SOX5: variants seen among roughly 807,000 people sequenced by gnomAD.
SOX5 encodes SRY-box transcription factor 5.
A neutral mutation model predicts 92.0 loss-of-function variants in SOX5; 9 were observed. The observed-to-expected ratio is 0.10, with a 90% CI of 0.06 to 0.17. SOX5 has a LOEUF of 0.17. Among genes scored for constraint, SOX5 ranks in the 10% least tolerant of loss-of-function variants. SOX5 has a pLI of 1.00. For missense variants in SOX5, 642 were observed against 944.5 expected, an observed-to-expected ratio of 0.68 and a Z score of 4.20; for synonymous variants, 344 against 336.3, an observed-to-expected ratio of 1.02 and a Z score of -0.25.
intron 2 of SOX5, among the ~76,000 whole-genome samples, chr12:24,319,440 A>T (rs148504879): frequency 3.9e-4 from 59 of 152,332 alleles, no homozygotes; most frequent in African/African-American, 1.3e-3. Flanking sequence ...GCTGGGAGTC[A>T]TCTTGGATTC....
chr12:24,113,612 AATAAAG>A (rs1947632377), intron 4 of SOX5, among the ~76,000 whole-genome samples: 3 of 152,200 alleles, frequency 2.0e-5, no homozygotes, highest in Admixed American at 6.5e-5. Flanking sequence ...AATAATAAAT[AATAAAG>A]ATAAAAAGTT....
At position 24,246,651 on chromosome 12, in the gene SOX5, A is replaced by C. The variant is rs562501926; in HGVS notation, c.-77+30565T>G. Reference sequence around the variant, plus strand: ...AAGTAGTGTACAGGTGCAAAGTAAAAGAATTTTTAAAAATGTTTCCCACAA... The same window carrying C: ...AAGTAGTGTACAGGTGCAAAGTAAACGAATTTTTAAAAATGTTTCCCACAA... On this transcript the variant is annotated intron_variant, in intron 3 of 4. Coordinates refer to the SOX5 transcript ENST00000446891. Among the ~76,000 whole-genome samples the C allele has an allele frequency of 1.6e-3, 241 of 152,328 alleles. 1 individual carries two copies. Among genetic ancestry groups the C allele is most frequent in the Non-Finnish European group, 1.5e-3 (101 of 68,028 alleles).
chr12:23,593,034 G>A (rs186474778), intron 9 of SOX5, among the ~76,000 whole-genome samples: 18 of 152,090 alleles, frequency 1.2e-4, no homozygotes, highest in African/African-American at 3.4e-4. Context: ...AGCCAAGATC[G>A]CGCCCCTGCA....
At chr12:23,543,099 A>C in intron 13 of SOX5, 112 bp downstream of exon 13, 1 of 765,378 alleles carries the variant, frequency 1.3e-6, no homozygotes, top group Non-Finnish European at 2.1e-6. Context: ...TTTTCTGGAT[A>C]AGCAAATAAC....
chr12:24,001,964 T>C (rs1389259049), intron 4 of SOX5, among the ~76,000 whole-genome samples: 1 of 151,932 alleles, frequency 6.6e-6, no homozygotes, highest in Non-Finnish European at 1.5e-5. Context: ...GCCCTGTCTC[T>C]AAATAAGTTA....
At chr12:24,465,224 T>C (rs954819122) in intron 1 of SOX5, among the ~76,000 whole-genome samples, 1 of 152,180 alleles carries the variant, frequency 6.6e-6, no homozygotes, top group Non-Finnish European at 1.5e-5. Context: ...ATAAATGACA[T>C]AGAGAGAATT....
At chr12:23,603,876 A>G (rs1393826516) in intron 9 of SOX5, 1 of 155,928 alleles carries the variant, frequency 6.4e-6, no homozygotes, top group East Asian at 1.9e-4. Context: ...ACATTATAAC[A>G]GTCACTGATA....
At chr12:24,269,688 C>T (rs199624529) in intron 3 of SOX5, among the ~76,000 whole-genome samples, 30 of 116,704 alleles carry the variant, frequency 2.6e-4, no homozygotes, top group East Asian at 4.8e-4. Context: ...TATTTTTATT[C>T]TTTTTTTTTT....
intron 1 of SOX5, among the ~76,000 whole-genome samples, chr12:23,937,001 G>A (rs1206123828): frequency 4.0e-5 from 6 of 150,800 alleles, no homozygotes; most frequent in African/African-American, 1.2e-4. Flanking sequence ...GGGACTCTGA[G>A]AGCGTTTCTT....
intron 1 of SOX5, among the ~76,000 whole-genome samples, chr12:24,405,966 C>T (rs1009005866): frequency 5.9e-5 from 9 of 152,026 alleles, no homozygotes; most frequent in African/African-American, 2.2e-4. Context: ...TTTAGAGAGG[C>T]TTCAGAGGAA....
intron 4 of SOX5, among the ~76,000 whole-genome samples, chr12:24,191,054 T>C (rs1211355119): frequency 6.6e-6 from 1 of 152,210 alleles, no homozygotes; most frequent in Non-Finnish European, 1.5e-5. Context: ...GCAGCGATCC[T>C]GGACTCAAGG....
chr12:24,425,800 G>GA (rs1343411038), intron 1 of SOX5, among the ~76,000 whole-genome samples: 1 of 152,162 alleles, frequency 6.6e-6, no homozygotes, highest in Admixed American at 6.5e-5. Context: ...TTCTTACAGA[G>GA]AAAAATAAAC....
At chr12:24,559,820 C>T (rs1038950857) in intron 1 of SOX5, among the ~76,000 whole-genome samples, 8 of 152,086 alleles carry the variant, frequency 5.3e-5, no homozygotes, top group Non-Finnish European at 7.4e-5. Context: ...TACCAAACCA[C>T]GTGTCAGTCT....
At chr12:24,249,052 C>A (rs1939491026) in intron 3 of SOX5, among the ~76,000 whole-genome samples, 1 of 152,164 alleles carries the variant, frequency 6.6e-6, no homozygotes, top group Admixed American at 6.5e-5. Context: ...ACATCATGCC[C>A]ACACCACTGA....
At chr12:24,533,279 G>A (rs959572677) in intron 1 of SOX5, among the ~76,000 whole-genome samples, 6 of 152,060 alleles carry the variant, frequency 3.9e-5, no homozygotes, top group Non-Finnish European at 5.9e-5. Context: ...AGTTAGACTC[G>A]TTGACATTAG....
intron 1 of SOX5, among the ~76,000 whole-genome samples, chr12:24,422,877 G>A (rs1335554847): frequency 1.3e-5 from 2 of 152,098 alleles, no homozygotes; most frequent in Non-Finnish European, 2.9e-5. Context: ...CAAGTGTGAT[G>A]GCACATGCCT....
intron 4 of SOX5, among the ~76,000 whole-genome samples, chr12:23,975,869 T>C (rs2140194988): frequency 6.6e-6 from 1 of 152,330 alleles, no homozygotes; most frequent in Non-Finnish European, 1.5e-5. Context: ...GGCTTGCTAC[T>C]TAACCTGGCA....
chr12:23,859,220 AGAGAG>A (rs1252212527), intron 2 of SOX5, among the ~76,000 whole-genome samples: 2 of 152,212 alleles, frequency 1.3e-5, no homozygotes, highest in African/African-American at 4.8e-5. Context: ...TTCATCTCAC[AGAGAG>A]CCTATAGATG....
At chr12:23,654,066 A>G (rs1478731911) in intron 7 of SOX5, among the ~76,000 whole-genome samples, 1 of 152,130 alleles carries the variant, frequency 6.6e-6, no homozygotes, top group African/African-American at 2.4e-5. Context: ...TTATAAGACA[A>G]TAATTATACA....
Sources: allele counts gnomAD v4.1 joint callset (sites outside exome capture counted in the v4.1 genomes callset), GRCh38; gene constraint gnomAD v4.1.1; transcripts MANE v1.5; gene names NCBI Gene and HGNC (gene_info 2026-07-23, HGNC 2026-07-21).